Variants in NOTCH4 observed in about 807,000 individuals in gnomAD.
The protein encoded by NOTCH4 is notch receptor 4.
NOTCH4 carries 138 observed loss-of-function variants against 189.0 expected under a neutral mutation model. The ratio of observed to expected loss-of-function variants is 0.73; its 90% CI spans 0.64 to 0.84. The LOEUF is 0.84. NOTCH4 is among the 40% of genes least tolerant of loss of function. The pLI, the probability that NOTCH4 is intolerant of heterozygous loss-of-function variation, is 0.00. For synonymous variants in NOTCH4, 942 were observed against 1,032.8 expected (o/e 0.91, Z 1.69); for missense variants, 2,286 against 2,605.4 (o/e 0.88, Z 2.67).
At chr6:32,196,478 G>C (rs1009092856) in intron 28 of NOTCH4, 57 bp from the exon 29 acceptor site, 42 of 1,591,938 alleles carry the variant, frequency 2.6e-5, no homozygotes, top group Non-Finnish European at 3.4e-5. Flanking sequence ...CCTGGGTTCC[G>C]GTTTCCCACG....
chr6:32,199,382 C>T lies in NOTCH4; in HGVS notation c.4316-237G>A, dbSNP rs1788192931. 6.6e-6 allele frequency among the ~76,000 whole-genome samples: 1 copy of T among 152,144 alleles called. No homozygotes were observed. Among genetic ancestry groups the T allele is most frequent in the Admixed American group, 6.5e-5 (1 of 15,278 alleles). The stretch of plus-strand genomic sequence containing the variant: ...AGGAGTTCGAGACCAGCCTGGCCAA[C>T]ATGGCAAAACCCCCTCTCTACTAAA... On this transcript the variant is annotated intron_variant, in intron 23 of 29. Transcript: ENST00000375023. The surrounding 1 kb of genome is among the most constrained non-coding windows in gnomAD (Gnocchi z 4.9).
At chr6:32,213,886 C>A (rs779473169) in intron 13 of NOTCH4, 46 bp from the exon 14 acceptor site, 1 of 1,598,918 alleles carries the variant, frequency 6.3e-7, no homozygotes. Context: ...CTCCTTCCCT[C>A]CCTCCGCTCT....
chr6:32,197,407 G>T lies in NOTCH4; in HGVS notation c.4944C>A (p.Thr1648=). ...CAGCCTCAAGGAGGCGGCGGGCAGC[G>T]GTTGGCCGGGAGAATCGGGCAGCCA... ...LHLAARFSRP[T]AARRLLEAGA... is the part of the protein sequence containing the mutation. The change falls in exon 27 of 30, where the codon ACC becomes ACA. Residue 1648 remains threonine, a synonymous_variant. Transcript: ENST00000375023. The T allele has an allele frequency of 6.5e-7, 1 of 1,542,986 alleles. No homozygotes were observed. The highest frequency in any genetic ancestry group is 2.0e-5 in the Admixed American group (1 of 49,230).
In NOTCH4 at chr6:32,200,933, G is replaced by A. The variant is rs766556113; in HGVS notation, c.4213C>T (p.Pro1405Ser). ...GCAAGGAAGCGGAGTAGAAGCCCAG[G>A]GTCCCAGGGACAGCGGGATGCCGGG... ...DHPASRCPWD[P>S]GLLLRFLAAM... The change falls in exon 23 of 30, where the codon CCT (proline) becomes TCT (serine). Residue 1405 changes from proline to serine, a missense_variant. By Grantham distance (74) the Pro-to-Ser change is moderately conservative. Transcript: ENST00000375023. The surrounding 1 kb of genome is among the most constrained non-coding windows in gnomAD (Gnocchi z 5.0). 1 of 1,608,072 alleles carries A rather than the reference G, an allele frequency of 6.2e-7. No individual in the cohort carries two copies. The highest frequency in any genetic ancestry group is 8.5e-7 in the Non-Finnish European group (1 of 1,177,542).
At position 32,211,594 on chromosome 6, in the gene NOTCH4, AAAATAAATAAAT is replaced by A. The variant is rs55792395; in HGVS notation, c.2681-670_2681-659del. On this transcript the variant is annotated intron_variant, in intron 17 of 29. Coordinates refer to ENST00000375023, the MANE Select transcript of NOTCH4 (RefSeq NM_004557.4). ...GGTGACAGACTGGGACTCCATCTCA[AAAATAAATAAAT>A]AAATAAATAAATAAATAAATAAATA... is the stretch of plus-strand genomic sequence containing the variant. Among the ~76,000 whole-genome samples the A allele has an allele frequency of 2.5e-3, 347 of 137,248 alleles. 3 individuals carry two copies. Among genetic ancestry groups the A allele is most frequent in the South Asian group, 0.011 (45 of 4,126 alleles). The allele number at this position is 137,248 out of a possible 152,430, so 90.0% of individuals were successfully genotyped here.
At position 32,198,420 on chromosome 6, in the gene NOTCH4, C is replaced by G. The variant is rs772561045; in HGVS notation, c.4756+1G>C. On this transcript the variant is annotated splice_donor_variant, in intron 26 of 29. Coordinates refer to ENST00000375023, the MANE Select transcript of NOTCH4 (RefSeq NM_004557.4). LOFTEE classifies it high-confidence loss of function. The surrounding 1 kb of genome is among the most constrained non-coding windows in gnomAD (Gnocchi z 5.5). ...TTCTTGGTCTGGGTTGACTCACATA[C>G]CAGGTCCACGGGTGTCCAGGTCAGG... is the stretch of plus-strand genomic sequence containing the variant. The G allele has an allele frequency of 1.9e-5, 31 of 1,610,082 alleles. No homozygotes were observed. The highest frequency in any genetic ancestry group is 2.6e-5 in the Non-Finnish European group (31 of 1,179,066).
At chr6:32,213,030 C>G in intron 15 of NOTCH4, 105 bp downstream of exon 15, 1 of 1,230,430 alleles carries the variant, frequency 8.1e-7, no homozygotes, top group Non-Finnish European at 1.2e-6. Flanking sequence ...GAAGGCGGAA[C>G]GAGGTGTGGG....
chr6:32,199,355 C>T lies in NOTCH4; in HGVS notation c.4316-210G>A, dbSNP rs1249899546. 5.9e-5 allele frequency among the ~76,000 whole-genome samples: 9 copies of T among 152,084 alleles called. No homozygotes were observed. On this transcript the variant is annotated intron_variant, in intron 23 of 29. Coordinates refer to ENST00000375023, the MANE Select transcript of NOTCH4 (RefSeq NM_004557.4). This position sits in a 1 kb window ranked among gnomAD's most constrained non-coding sequence, Gnocchi z 4.9. ...GCTGAGGCAGGTGGATCATATGAGGCCAGGAGTTCGAGACCAGCCTGGCCA... is the reference window on the plus strand; with the variant it reads ...GCTGAGGCAGGTGGATCATATGAGGTCAGGAGTTCGAGACCAGCCTGGCCA...
intron 11 of NOTCH4, chr6:32,216,643 A>T (rs956242337): frequency 5.8e-6 from 3 of 518,672 alleles, no homozygotes; most frequent in Non-Finnish European, 1.0e-5. Flanking sequence ...CGTATCTGGC[A>T]TAGTAGGCAG....
chr6:32,220,237 C>T lies in NOTCH4; in HGVS notation c.1207G>A (p.Gly403Arg). The change falls in exon 7 of 30, where the codon GGG becomes AGG. Residue 403 changes from glycine (G) to arginine (R), a missense_variant. This residue lies in a region of NOTCH4 where 1,903 missense variants were observed against 2,261.9 expected (regional missense o/e 0.84). Coordinates refer to ENST00000375023, the MANE Select transcript of NOTCH4 (RefSeq NM_004557.4). ...EDMCLSQPCH[G>R]DAQCSTNPLT... ...GGGTTGGTGCTGCATTGGGCATCCC[C>T]ATGGCACGGCTGGCTCAGACACATG... 1 of 1,613,780 alleles carries T rather than the reference C, an allele frequency of 6.2e-7. No individual in the cohort carries two copies. The highest frequency in any genetic ancestry group is 8.5e-7 in the Non-Finnish European group (1 of 1,179,886).
At position 32,217,435 on chromosome 6, in the gene NOTCH4, C is replaced by A. The variant is rs548650582; in HGVS notation, c.1625-169G>T. 1.2e-4 allele frequency among the ~76,000 whole-genome samples: 19 copies of A among 152,284 alleles called. No homozygotes were observed. The East Asian group carries it at 3.7e-3, about 29-fold the overall frequency. On this transcript the variant is annotated intron_variant, in intron 9 of 29. Transcript: ENST00000375023. The surrounding 1 kb of genome is among the most constrained non-coding windows in gnomAD (Gnocchi z 4.2). Reference sequence around the variant, plus strand: ...ATGATGCAGAAAAGGTGAAGCTCAGCCACCTGCCAGCTGTGTGACTTTGGG... The same window carrying A: ...ATGATGCAGAAAAGGTGAAGCTCAGACACCTGCCAGCTGTGTGACTTTGGG...
At position 32,197,559 on chromosome 6, in the gene NOTCH4, C is replaced by T; in HGVS notation, c.4792G>A (p.Gly1598Arg). 3.1e-6 allele frequency: 5 copies of T among 1,612,706 alleles called. No homozygotes were observed. The South Asian group carries it at 5.5e-5, about 18-fold the overall frequency. The change falls in exon 27 of 30, where the codon GGG becomes AGG. Residue 1598 changes from glycine to arginine, a missense_variant. By Grantham distance (125) the Gly-to-Arg change is moderately radical (BLOSUM62 -2). Transcript: ENST00000375023. Reference sequence around the variant, plus strand: ...TGGAAGGTCCCGGACTGTACTTCCCCACAGCAAACTGCTGACATCAGGGGT... The same window carrying T: ...TGGAAGGTCCCGGACTGTACTTCCCTACAGCAAACTGCTGACATCAGGGGT... ...VTPLMSAVCC[G>R]EVQSGTFQGA... is the part of the protein sequence containing the mutation.
Position 32,198,770 on chromosome 6 carries a change from G to T in NOTCH4, c.4536-40C>A. 1.3e-6 allele frequency: 2 copies of T among 1,557,870 alleles called. No individual in the cohort carries two copies. Among genetic ancestry groups the T allele is most frequent in the South Asian group, 2.4e-5 (2 of 82,486 alleles). ...GTGGGTAGAGGTTACACGGAATTATGACCATCAGGGTCTCCAAAATTTCCA... is the reference window on the plus strand; with the variant it reads ...GTGGGTAGAGGTTACACGGAATTATTACCATCAGGGTCTCCAAAATTTCCA... On this transcript the variant is annotated intron_variant, in intron 24 of 29. Transcript: ENST00000375023. This position sits in a 1 kb window ranked among gnomAD's most constrained non-coding sequence, Gnocchi z 5.5.
Position 32,203,845 on chromosome 6 carries a change from G to A in NOTCH4, c.3156C>T (p.Ser1052=). 6.4e-7 allele frequency: 1 copy of A among 1,561,512 alleles called. No homozygotes were observed. The highest frequency in any genetic ancestry group is 2.3e-5 in the East Asian group (1 of 42,572). Residue 1052 remains serine (S), a synonymous_variant, in exon 20 of 30, where the codon AGC becomes AGT. Transcript: ENST00000375023. ...AGGTCCCTCCATGAAAGCAGGGTTG[G>A]CTGTGGCAGGGGTCTATCTCCACCT... is the stretch of plus-strand genomic sequence containing the variant. ...WCEVEIDPCH[S]QPCFHGGTCE... is the part of the protein sequence containing the mutation.
rs756640956 is a variant in NOTCH4, at chr6:32,195,914, C to A, written c.5535G>T (p.Thr1845=). Residue 1845 remains threonine (T), a synonymous_variant, in exon 30 of 30, where the codon ACG becomes ACT. Coordinates refer to ENST00000375023, the MANE Select transcript of NOTCH4 (RefSeq NM_004557.4). This position sits in a 1 kb window ranked among gnomAD's most constrained non-coding sequence, Gnocchi z 5.4. ...CATGCGGGGGCACGCTTACTGACACCGTCCGTGCGCGCGGGAAGGGCCCAG... is the reference window on the plus strand; with the variant it reads ...CATGCGGGGGCACGCTTACTGACACAGTCCGTGCGCGCGGGAAGGGCCCAG... The part of the protein sequence containing the change: ...REAGPFPRAR[T]VSVSVPPHGG... The A allele has an allele frequency of 6.3e-7, 1 of 1,586,174 alleles. No individual in the cohort carries two copies. The highest frequency in any genetic ancestry group is 1.1e-5 in the South Asian group (1 of 89,552).
Position 32,213,701 on chromosome 6 carries a change from G to C in NOTCH4, c.2307C>G (p.Asp769Glu). Reference protein sequence around the residue: ...HTGPQCQTSTDYCVSAPCFNG... With the variant: ...HTGPQCQTSTEYCVSAPCFNG... ...GTGGGCACTCACCAGACACACAGTAGTCAGTGCTGGTTTGGCACTGGGGCC... is the reference window on the plus strand; with the variant it reads ...GTGGGCACTCACCAGACACACAGTACTCAGTGCTGGTTTGGCACTGGGGCC... Residue 769 changes from aspartate (D) to glutamate (E), a missense_variant, in exon 14 of 30, where the codon GAC becomes GAG. By Grantham distance (45) the Asp-to-Glu change is conservative. Coordinates refer to ENST00000375023, the MANE Select transcript of NOTCH4 (RefSeq NM_004557.4). 6.2e-7 allele frequency: 1 copy of C among 1,612,974 alleles called. No individual in the cohort carries two copies. Among genetic ancestry groups the C allele is most frequent in the South Asian group, 1.1e-5 (1 of 91,076 alleles).
intron 18 of NOTCH4, among the ~76,000 whole-genome samples, chr6:32,206,608 A>G (rs917375604): frequency 2.6e-5 from 4 of 152,118 alleles, no homozygotes; most frequent in African/African-American, 9.7e-5. Flanking sequence ...AATACTGCTA[A>G]AATGTCTGTG....
At position 32,223,143 on chromosome 6, in the gene NOTCH4, C is replaced by T. The variant is rs1181629405; in HGVS notation, c.74-57G>A. 3 of 1,339,446 alleles carry T rather than the reference C, an allele frequency of 2.2e-6. No individual in the cohort carries two copies. The African/African-American group carries it at 4.3e-5, about 19-fold the overall frequency. The allele number at this position is 1,339,446 out of a possible 1,614,324, so 83.0% of individuals were successfully genotyped here. A position where few individuals can be genotyped will look rare whatever the true frequency, so the allele number is the denominator to read the frequency against. On this transcript the variant is annotated intron_variant, in intron 1 of 29. Coordinates refer to ENST00000375023, the MANE Select transcript of NOTCH4 (RefSeq NM_004557.4). ...CCTGGGTGCTGTGCCTCCACCTTTC[C>T]TCTTCTAGGTGCTCCTGAGAGACCT... is the stretch of plus-strand genomic sequence containing the variant.
intron 11 of NOTCH4, 164 bp downstream of exon 11, chr6:32,216,781 C>A: frequency 1.1e-6 from 1 of 889,098 alleles, no homozygotes. Flanking sequence ...GCCCTTGTCC[C>A]CATGGTTGTA....
Sources: allele counts gnomAD v4.1 joint callset (sites outside exome capture counted in the v4.1 genomes callset), GRCh38; gene constraint gnomAD v4.1.1; regional missense constraint gnomAD v4.1.1; non-coding constraint Gnocchi (gnomAD v3.1); transcripts MANE v1.5; gene names NCBI Gene and HGNC (gene_info 2026-07-23, HGNC 2026-07-21).